AHDC1: variants seen among roughly 807,000 people sequenced by gnomAD.
AHDC1 encodes AT-hook DNA binding motif containing 1.
AHDC1 carries 7 observed loss-of-function variants against 87.9 expected under a neutral mutation model. That is an observed-to-expected ratio of 0.08 (90% CI 0.05 to 0.15). AHDC1 has a LOEUF of 0.15. Among genes scored for constraint, AHDC1 ranks in the 10% least tolerant of loss-of-function variants. The probability of loss-of-function intolerance (pLI) is 1.00; values close to 1 mark genes in which losing one functional copy is unlikely to be tolerated. For synonymous variants in AHDC1, 1,051 were observed against 1,006.8 expected (o/e 1.04, Z -0.83); for missense variants, 1,841 against 2,253.2 (o/e 0.82, Z 3.70).
intron 3 of AHDC1, among the ~76,000 whole-genome samples, chr1:27,603,143 A>ACCCCCCCC (rs1156376060): frequency 2.7e-5 from 3 of 110,424 alleles, no homozygotes; most frequent in Non-Finnish European, 3.9e-5. Context: ...AAACCCGAGA[A>ACCCCCCCC]CCCCCCCTCC....
Position 27,549,805 on chromosome 1 carries a change from C to A in AHDC1, c.2311G>T (p.Asp771Tyr). Residue 771 changes from aspartate (D) to tyrosine (Y), a missense_variant, in exon 8 of 9, where the codon GAT becomes TAT. Coordinates refer to ENST00000673934, the MANE Select transcript of AHDC1 (RefSeq NM_001371928.1). The stretch of plus-strand genomic sequence containing the variant: ...TGAGGGGCCCAGCCACCACCCTTAT[C>A]CCCGGCCCACTCAGCACCTGCCTCC... Reference protein sequence around the residue: ...FGEAGAEWAGDKGGGWAPHHG... With the variant: ...FGEAGAEWAGYKGGGWAPHHG... 1 of 1,613,604 alleles carries A rather than the reference C, an allele frequency of 6.2e-7. No homozygotes were observed. The highest frequency in any genetic ancestry group is 8.5e-7 in the Non-Finnish European group (1 of 1,179,974).
At chr1:27,592,390 G>A (rs1458316023) in intron 3 of AHDC1, among the ~76,000 whole-genome samples, 1 of 152,140 alleles carries the variant, frequency 6.6e-6, no homozygotes, top group African/African-American at 2.4e-5. Context: ...CACCCACCCA[G>A]CCTGTCACCG....
chr1:27,573,646 G>A (rs867087252), intron 3 of AHDC1, among the ~76,000 whole-genome samples: 8 of 152,114 alleles, frequency 5.3e-5, no homozygotes, highest in African/African-American at 1.2e-4. Flanking sequence ...CTATCCCAGC[G>A]CCCCAGAGAG....
At chr1:27,575,939 A>G in intron 3 of AHDC1, among the ~76,000 whole-genome samples, 1 of 150,934 alleles carries the variant, frequency 6.6e-6, no homozygotes, top group Non-Finnish European at 1.5e-5. Context: ...GGCCGTCGCG[A>G]TCCGGGTCGG....
Position 27,550,385 on chromosome 1 carries a change from G to A in AHDC1, c.1731C>T (p.Ala577=). ...TTTTTACCTCTGGCATGGCCATGGT[G>A]GCCGCTGCCACAGTGGCTGCCTCGG... The part of the protein sequence containing the change: ...VAAEAATVAA[A]TMAMPEVKKR... Residue 577 remains alanine, a synonymous_variant, in exon 8 of 9, where the codon GCC becomes GCT. Transcript: ENST00000673934. 4 of 1,613,326 alleles carry A rather than the reference G, an allele frequency of 2.5e-6. No homozygotes were observed. Among genetic ancestry groups the A allele is most frequent in the Non-Finnish European group, 3.4e-6 (4 of 1,179,572 alleles).
rs546265349 is a variant in AHDC1 at position 27,537,286 on chromosome 1, C to T, written c.*44-2370G>A. Among the ~76,000 whole-genome samples, 26 of 152,270 alleles carry T rather than the reference C, an allele frequency of 1.7e-4. No individual in the cohort carries two copies. The South Asian group carries it at 4.6e-3, about 27-fold the overall frequency. ...ACTGGGGACAAAGCAGAGACCAAGACCGATCTGGTTCCTGTCTTTGAGAGG... is the reference window on the plus strand; with the variant it reads ...ACTGGGGACAAAGCAGAGACCAAGATCGATCTGGTTCCTGTCTTTGAGAGG... On this transcript the variant is annotated intron_variant, in intron 8 of 8. Coordinates refer to ENST00000673934, the MANE Select transcript of AHDC1 (RefSeq NM_001371928.1).
chr1:27,547,462 G>C lies in AHDC1; in HGVS notation c.4654C>G (p.Pro1552Ala), dbSNP rs774456209. The change falls in exon 8 of 9, where the codon CCG (proline) becomes GCG (alanine). Residue 1552 changes from proline (P) to alanine (A), a missense_variant. By Grantham distance (27) the Pro-to-Ala change is conservative. Coordinates refer to ENST00000673934, the MANE Select transcript of AHDC1 (RefSeq NM_001371928.1). This position sits in a 1 kb window ranked among gnomAD's most constrained non-coding sequence, Gnocchi z 4.9. ...LLSDLTLSPV[P>A]RDSLLPLQDT... ...TGCAGGGGCAGCAGCGAGTCCCTCGGCACGGGGGACAGGGTCAAGTCACTA... is the reference window on the plus strand; with the variant it reads ...TGCAGGGGCAGCAGCGAGTCCCTCGCCACGGGGGACAGGGTCAAGTCACTA... The C allele has an allele frequency of 1.3e-6, 2 of 1,594,898 alleles. No individual in the cohort carries two copies. The highest frequency in any genetic ancestry group is 2.2e-5 in the South Asian group (2 of 89,840).
intron 3 of AHDC1, among the ~76,000 whole-genome samples, chr1:27,589,682 C>T (rs144792103): frequency 6.6e-6 from 1 of 152,200 alleles, no homozygotes; most frequent in East Asian, 1.9e-4. Flanking sequence ...GTTTGTGAGA[C>T]CAAGGATATG....
At position 27,553,947 on chromosome 1, in the gene AHDC1, C is replaced by T. The variant is rs1406822284; in HGVS notation, c.-224-762G>A. 2.0e-5 allele frequency among the ~76,000 whole-genome samples: 3 copies of T among 152,120 alleles called. No individual in the cohort carries two copies. The East Asian group carries it at 5.8e-4, about 29-fold the overall frequency. ...GGGCATGGTGGTGCACACCTGTAGT[C>T]CCAGCTACTCAAGAGGCTGAGGTGG... On this transcript the variant is annotated intron_variant, in intron 5 of 8. Transcript: ENST00000673934.
intron 8 of AHDC1, among the ~76,000 whole-genome samples, chr1:27,546,902 C>T (rs987050166): frequency 2.0e-5 from 3 of 152,160 alleles, no homozygotes; most frequent in Admixed American, 1.3e-4. Flanking sequence ...CCCTTATCAG[C>T]GTATTTCCTG....
intron 3 of AHDC1, among the ~76,000 whole-genome samples, chr1:27,568,658 CG>C (rs1460626165): frequency 6.6e-6 from 1 of 151,854 alleles, no homozygotes; most frequent in Non-Finnish European, 1.5e-5. Context: ...GGGGCGGGGT[CG>C]GGGCTTCGGA....
chr1:27,550,241 C>G lies in AHDC1; in HGVS notation c.1875G>C (p.Gln625His), dbSNP rs748326584. Reference protein sequence around the residue: ...VLAKLAFLNRQSQCAGRCSPP... With the variant: ...VLAKLAFLNRHSQCAGRCSPP... ...GTGAGCACCGTCCAGCGCACTGGCT[C>G]TGGCGGTTCAGGAAGGCCAGCTTGG... The change falls in exon 8 of 9, where the codon CAG becomes CAC. Residue 625 changes from glutamine to histidine, a missense_variant. Coordinates refer to ENST00000673934, the MANE Select transcript of AHDC1 (RefSeq NM_001371928.1). 3.7e-6 allele frequency: 6 copies of G among 1,613,830 alleles called. No homozygotes were observed. The highest frequency in any genetic ancestry group is 1.1e-5 in the South Asian group (1 of 91,086).
At chr1:27,584,677 GA>G (rs981855299) in intron 3 of AHDC1, among the ~76,000 whole-genome samples, 6 of 152,182 alleles carry the variant, frequency 3.9e-5, no homozygotes, top group Admixed American at 3.9e-4. Context: ...AGAGGCTTCT[GA>G]ACCACTGATC....
chr1:27,581,371 C>T (rs1051892427), intron 3 of AHDC1, among the ~76,000 whole-genome samples: 2 of 151,786 alleles, frequency 1.3e-5, no homozygotes, highest in African/African-American at 4.8e-5. Context: ...GGAGAGAAAG[C>T]CCCTAGGTCT....
In AHDC1 at chr1:27,601,647, G is replaced by A. The variant is rs1221469768; in HGVS notation, c.-629+1750C>T. On this transcript the variant is annotated intron_variant, in intron 3 of 8. Coordinates refer to ENST00000673934, the MANE Select transcript of AHDC1 (RefSeq NM_001371928.1). ...AATAAATATACATCTGCTCAAAGGAGGGAGATGGCAAGCAGCATGCACATG... is the reference window on the plus strand; with the variant it reads ...AATAAATATACATCTGCTCAAAGGAAGGAGATGGCAAGCAGCATGCACATG... Among the ~76,000 whole-genome samples the A allele has an allele frequency of 2.0e-5, 3 of 152,234 alleles. 1 individual carries two copies. The highest frequency in any genetic ancestry group is 4.4e-5 in the Non-Finnish European group (3 of 68,026).
chr1:27,600,746 A>AC (rs370504353), intron 3 of AHDC1, among the ~76,000 whole-genome samples: 44 of 152,038 alleles, frequency 2.9e-4, no homozygotes, highest in African/African-American at 9.9e-4. Context: ...TCAGGTGGAG[A>AC]CCCCATCTTT....
rs2020203906 is a variant in AHDC1 at position 27,563,787 on chromosome 1, G to A, written c.-628-4904C>T. ...CTTCCCGCCCAGTGGCGGGTGCTGGGGGAGAGGAGTGCTGGGGAGGAAGCT... is the reference window on the plus strand; with the variant it reads ...CTTCCCGCCCAGTGGCGGGTGCTGGAGGAGAGGAGTGCTGGGGAGGAAGCT... On this transcript the variant is annotated intron_variant, in intron 3 of 8. Coordinates refer to ENST00000673934, the MANE Select transcript of AHDC1 (RefSeq NM_001371928.1). This position sits in a 1 kb window ranked among gnomAD's most constrained non-coding sequence, Gnocchi z 6.1. Among the ~76,000 whole-genome samples the A allele has an allele frequency of 6.6e-6, 1 of 152,148 alleles. No individual in the cohort carries two copies. Among genetic ancestry groups the A allele is most frequent in the Admixed American group, 6.5e-5 (1 of 15,290 alleles).
intron 8 of AHDC1, among the ~76,000 whole-genome samples, chr1:27,536,755 G>A (rs573351152): frequency 2.0e-5 from 3 of 152,206 alleles, no homozygotes; most frequent in South Asian, 4.1e-4. Context: ...AGGATGGGCT[G>A]CTCCAAACCA....
At chr1:27,587,706 T>G (rs187430413) in intron 3 of AHDC1, among the ~76,000 whole-genome samples, 3 of 152,164 alleles carry the variant, frequency 2.0e-5, no homozygotes, top group Admixed American at 2.0e-4. Context: ...GCTCAGTAAA[T>G]CTCTTCATCT....
Sources: gnomAD v4.1 joint callset for allele counts (sites outside exome capture counted in the v4.1 genomes callset) on GRCh38, gnomAD v4.1.1 for gene constraint, Gnocchi (gnomAD v3.1) non-coding constraint, MANE v1.5 for transcripts, NCBI Gene and HGNC (gene_info 2026-07-23, HGNC 2026-07-21) for gene names.